The following KCNN2 variants were observed in gnomAD, a reference collection of about 807,000 sequenced individuals.
The protein encoded by KCNN2 is small conductance calcium-activated potassium channel protein 2.
Under a neutral mutation model 55.5 loss-of-function variants are expected in KCNN2, and 24 were observed. That is an observed-to-expected ratio of 0.43 (90% CI 0.31 to 0.61). The LOEUF is 0.61. Among genes scored for constraint, KCNN2 ranks in the 20% least tolerant of loss-of-function variants. KCNN2 has a pLI of 0.08. For synonymous variants in KCNN2, 431 were observed against 336.1 expected (o/e 1.28, Z -3.09); for missense variants, 754 against 853.6 (o/e 0.88, Z 1.45).
intron 1 of KCNN2, among the ~76,000 whole-genome samples, chr5:114,162,647 C>T (rs1752813452): frequency 6.6e-6 from 1 of 152,198 alleles, no homozygotes; most frequent in African/African-American, 2.4e-5. Flanking sequence ...TGGTGGGCTC[C>T]ACCCAGTTTG....
intron 4 of KCNN2, among the ~76,000 whole-genome samples, chr5:114,471,838 G>A (rs1223800566): frequency 2.6e-5 from 4 of 152,232 alleles, no homozygotes; most frequent in South Asian, 2.1e-4. Flanking sequence ...TGATCAGGTC[G>A]TGTATTTATT....
intron 2 of KCNN2, among the ~76,000 whole-genome samples, chr5:114,320,252 C>CT (rs1334361683): frequency 2.0e-5 from 3 of 151,974 alleles, no homozygotes; most frequent in Admixed American, 2.0e-4. Context: ...TGTCCCAGAC[C>CT]TTTTTTTGGT....
rs568067241 is a variant in KCNN2, at chr5:114,389,376, A to T, written c.1219-15062A>T. Among the ~76,000 whole-genome samples, 7 of 152,118 alleles carry T rather than the reference A, an allele frequency of 4.6e-5. 1 individual carries two copies. In the South Asian group the frequency reaches 6.2e-4, roughly 13 times the overall value. On this transcript the variant is annotated intron_variant, in intron 2 of 7. Transcript: ENST00000673685. ...ACAAGTCGCAGTATGCTTATTATGG[A>T]CACAGGCTCTGAAGCCAGATTGCTT...
At chr5:114,316,602 T>C (rs937364382) in intron 2 of KCNN2, among the ~76,000 whole-genome samples, 3 of 152,226 alleles carry the variant, frequency 2.0e-5, no homozygotes, top group Middle Eastern at 3.2e-3. Context: ...TATTCTGGAT[T>C]CAGAAACCCA....
intron 3 of KCNN2, among the ~76,000 whole-genome samples, chr5:114,445,298 C>CATTTTTGTAGGCAAA (rs1760361033): frequency 2.6e-5 from 4 of 152,140 alleles, no homozygotes. Flanking sequence ...TGCCCTACAA[C>CATTTTTGTAGGCAAA]ATGCCTTACC....
At chr5:114,364,560 C>T (rs1442941623) in intron 2 of KCNN2, among the ~76,000 whole-genome samples, 1 of 151,072 alleles carries the variant, frequency 6.6e-6, no homozygotes, top group Non-Finnish European at 1.5e-5. Flanking sequence ...TGTATCCAGT[C>T]ATGAAGTATT....
intron 1 of KCNN2, among the ~76,000 whole-genome samples, chr5:114,147,015 T>C (rs1752412254): frequency 6.6e-6 from 1 of 152,140 alleles, no homozygotes; most frequent in African/African-American, 2.4e-5. Flanking sequence ...ATAAGCTGAG[T>C]CAGAGACAAT....
At chr5:114,469,018 G>A (rs985687192) in intron 4 of KCNN2, among the ~76,000 whole-genome samples, 8 of 152,124 alleles carry the variant, frequency 5.3e-5, no homozygotes, top group Non-Finnish European at 8.8e-5. Context: ...GGCTCAACAT[G>A]GCTTACAGTT....
intron 1 of KCNN2, among the ~76,000 whole-genome samples, chr5:114,196,934 G>T (rs545028203): frequency 6.6e-6 from 1 of 151,806 alleles, no homozygotes; most frequent in African/African-American, 2.4e-5. Context: ...AAAAGGTGAG[G>T]TTATTGATTG....
intron 1 of KCNN2, among the ~76,000 whole-genome samples, chr5:114,159,962 A>T (rs958327325): frequency 6.6e-6 from 1 of 151,966 alleles, no homozygotes; most frequent in African/African-American, 2.4e-5. Flanking sequence ...CAGCTCCTGG[A>T]TTCATTGATT....
intron 2 of KCNN2, among the ~76,000 whole-genome samples, chr5:114,299,202 C>T (rs1274940170): frequency 1.3e-5 from 2 of 151,606 alleles, no homozygotes; most frequent in African/African-American, 4.8e-5. Context: ...AAGGCTGCCT[C>T]CTCTATGTTT....
chr5:114,146,953 C>T (rs1462224698), intron 1 of KCNN2, among the ~76,000 whole-genome samples: 2 of 152,130 alleles, frequency 1.3e-5, no homozygotes, highest in Non-Finnish European at 2.9e-5. Context: ...AGATTAGTGT[C>T]AGCAATATTT....
chr5:114,437,483 A>T (rs368361003), intron 3 of KCNN2, among the ~76,000 whole-genome samples: 1 of 152,130 alleles, frequency 6.6e-6, no homozygotes, highest in Non-Finnish European at 1.5e-5. Context: ...TGTAGTGAAG[A>T]CTCAATAGTT....
chr5:114,093,933 T>A (rs945244314), intron 1 of KCNN2, among the ~76,000 whole-genome samples: 1 of 152,160 alleles, frequency 6.6e-6, no homozygotes, highest in Non-Finnish European at 1.5e-5. Context: ...CACCTCAGTT[T>A]ATAGGTGAAA....
At position 114,248,891 on chromosome 5, in the gene KCNN2, G is replaced by T. The variant is rs552074900; in HGVS notation, c.-185+27326G>T. On this transcript the variant is annotated intron_variant, in intron 2 of 10. Transcript: ENST00000512097. ...GCATATAGTGTAGTAACCGTTTAAT[G>T]AATCATTCAAACTGGAACTCTTGAG... Among the ~76,000 whole-genome samples the T allele has an allele frequency of 3.3e-5, 5 of 152,294 alleles. No homozygotes were observed. In the South Asian group the frequency reaches 1.0e-3, roughly 32 times the overall value.
At chr5:114,252,003 C>G (rs1020298894) in intron 2 of KCNN2, among the ~76,000 whole-genome samples, 2 of 151,184 alleles carry the variant, frequency 1.3e-5, no homozygotes, top group South Asian at 2.1e-4. Context: ...CTCAGCCTCC[C>G]GAGCAGCTGG....
Position 114,496,355 on chromosome 5 carries a change from T to G in KCNN2, c.*173T>G. ...AAAATGAGTGAAAACTCTTTTTTTTTCTTTCAGATGCACAGGGAATGCACC... is the reference window on the plus strand; with the variant it reads ...AAAATGAGTGAAAACTCTTTTTTTTGCTTTCAGATGCACAGGGAATGCACC... On this transcript the variant is annotated 3_prime_UTR_variant, in exon 8 of 8. Transcript: ENST00000673685. 1.6e-6 allele frequency: 1 copy of G among 639,108 alleles called. No homozygotes were observed. The highest frequency in any genetic ancestry group is 2.2e-5 in the South Asian group (1 of 46,216). The allele number at this position is 639,108 out of a possible 1,614,324, so 39.6% of individuals were successfully genotyped here.
intron 2 of KCNN2, among the ~76,000 whole-genome samples, chr5:114,392,801 G>T (rs1156328530): frequency 7.6e-6 from 1 of 131,722 alleles, no homozygotes. Flanking sequence ...AGTGTTTTTT[G>T]TGGGGTTTTT....
At chr5:114,140,470 A>G (rs1304782514) in intron 1 of KCNN2, among the ~76,000 whole-genome samples, 1 of 152,198 alleles carries the variant, frequency 6.6e-6, no homozygotes, top group Admixed American at 6.6e-5. Flanking sequence ...TCCCTAAAAG[A>G]TGATATAAGT....
Sources: gnomAD v4.1 joint callset for allele counts (sites outside exome capture counted in the v4.1 genomes callset) on GRCh38, gnomAD v4.1.1 for gene constraint, MANE v1.5 for transcripts, NCBI Gene and HGNC (gene_info 2026-07-23, HGNC 2026-07-21) for gene names.